Variants in RPS6KC1 observed in about 807,000 individuals in gnomAD.
The protein encoded by RPS6KC1 is ribosomal protein S6 kinase C1, also known as inactive ribosomal protein S6 kinase delta-1.
A neutral mutation model predicts 103.8 loss-of-function variants in RPS6KC1; 54 were observed. The observed-to-expected ratio is 0.52, with a 90% CI of 0.42 to 0.65. RPS6KC1 has a LOEUF of 0.65. Ranked by LOEUF, RPS6KC1 falls within the 30% of genes least tolerant of loss-of-function variation. RPS6KC1 has a pLI of 0.00. For missense variants in RPS6KC1, 1,151 were observed against 1,253.8 expected, an observed-to-expected ratio of 0.92 and a Z score of 1.24; for synonymous variants, 439 against 438.7, an observed-to-expected ratio of 1.00 and a Z score of -0.01.
chr1:213,255,963 T>C (rs2094634110), intron 12 of RPS6KC1, among the ~76,000 whole-genome samples: 1 of 152,246 alleles, frequency 6.6e-6, no homozygotes. Context: ...CTGCTTGATA[T>C]AAAGTCATTT....
intron 8 of RPS6KC1, among the ~76,000 whole-genome samples, chr1:213,186,300 G>T (rs927542967): frequency 6.6e-6 from 1 of 151,054 alleles, no homozygotes; most frequent in African/African-American, 2.4e-5. Flanking sequence ...TTTAGTTTGA[G>T]AAATAGTTTC....
chr1:213,573,513 A>G, the RPS6KC1 span, among the ~76,000 whole-genome samples: 2 of 152,216 alleles, frequency 1.3e-5, no homozygotes, highest in Non-Finnish European at 2.9e-5. Flanking sequence ...TGCACTCTTT[A>G]TCTGGGGCAT....
chr1:213,605,105 G>A, the RPS6KC1 span, among the ~76,000 whole-genome samples: 2 of 152,176 alleles, frequency 1.3e-5, no homozygotes, highest in East Asian at 3.9e-4. Flanking sequence ...TCTCTGTCAT[G>A]GTGCCCTTAG....
At chr1:213,415,877 G>T in the RPS6KC1 span, among the ~76,000 whole-genome samples, 1 of 152,210 alleles carries the variant, frequency 6.6e-6, no homozygotes, top group African/African-American at 2.4e-5. Context: ...TGTGTGACTT[G>T]GTTGCAGTTT....
At chr1:213,409,206 A>C in the RPS6KC1 span, among the ~76,000 whole-genome samples, 1 of 152,056 alleles carries the variant, frequency 6.6e-6, no homozygotes, top group East Asian at 1.9e-4. Flanking sequence ...AACCAAGTGC[A>C]AAGTATTAGG....
chr1:213,685,391 G>A, the RPS6KC1 span, among the ~76,000 whole-genome samples: 2 of 152,164 alleles, frequency 1.3e-5, no homozygotes, highest in Non-Finnish European at 2.9e-5. Flanking sequence ...AGCACTTTGG[G>A]AGGCTGAGGC....
intron 14 of RPS6KC1, among the ~76,000 whole-genome samples, chr1:213,270,079 G>C (rs148121618): frequency 6.6e-6 from 1 of 152,140 alleles, no homozygotes; most frequent in African/African-American, 2.4e-5. Context: ...GCATAAAAAG[G>C]CAAAGGAGCT....
chr1:213,753,993 C>T, the RPS6KC1 span, among the ~76,000 whole-genome samples: 1,140 of 152,226 alleles, frequency 7.5e-3, 16 homozygotes, highest in African/African-American at 0.026. Context: ...CGGAGAACAC[C>T]GAGAGGAGAT....
chr1:213,117,496 A>G (rs2083799080), intron 5 of RPS6KC1, 86 bp downstream of exon 5: 2 of 718,648 alleles, frequency 2.8e-6, no homozygotes, highest in Admixed American at 2.6e-5. Context: ...AGACAGATGT[A>G]TATAGGAATT....
the RPS6KC1 span, among the ~76,000 whole-genome samples, chr1:213,383,029 G>A: frequency 1.4e-4 from 22 of 152,350 alleles, no homozygotes; most frequent in African/African-American, 5.1e-4. Context: ...GCCTTTGCCA[G>A]TGCATAAGCG....
chr1:213,457,810 C>A, the RPS6KC1 span, among the ~76,000 whole-genome samples: 1 of 152,160 alleles, frequency 6.6e-6, no homozygotes, highest in African/African-American at 2.4e-5. Flanking sequence ...TTGACATACA[C>A]AAAAGACACA....
the RPS6KC1 span, among the ~76,000 whole-genome samples, chr1:213,654,318 G>A: frequency 6.6e-6 from 1 of 152,190 alleles, no homozygotes; most frequent in East Asian, 1.9e-4. Flanking sequence ...GAAATGCTGA[G>A]CTGCAGGCGT....
the RPS6KC1 span, among the ~76,000 whole-genome samples, chr1:213,653,895 T>C: frequency 6.6e-6 from 1 of 152,212 alleles, no homozygotes. Flanking sequence ...GAACATCTCT[T>C]TTCCAGGGAA....
chr1:213,403,453 C>A, the RPS6KC1 span, among the ~76,000 whole-genome samples: 1 of 152,178 alleles, frequency 6.6e-6, no homozygotes, highest in African/African-American at 2.4e-5. Flanking sequence ...TCCTCTGTTA[C>A]GAGCCTTGGC....
chr1:213,251,583 C>T (rs1408879185), intron 12 of RPS6KC1, among the ~76,000 whole-genome samples: 6 of 152,194 alleles, frequency 3.9e-5, no homozygotes, highest in Non-Finnish European at 7.3e-5. Flanking sequence ...CTTCCACTCT[C>T]ACCCTCTAAT....
chr1:213,214,997 C>T (rs1189267495), intron 8 of RPS6KC1, among the ~76,000 whole-genome samples: 4 of 152,174 alleles, frequency 2.6e-5, no homozygotes, highest in African/African-American at 9.7e-5. Flanking sequence ...GAACACAGCT[C>T]CTCACCAGCA....
At chr1:213,271,017 T>C (rs1311603783) in intron 14 of RPS6KC1, among the ~76,000 whole-genome samples, 1 of 152,230 alleles carries the variant, frequency 6.6e-6, no homozygotes, top group East Asian at 1.9e-4. Context: ...TAGAAAAGTT[T>C]GGCAATTTTA....
At chr1:213,828,132 G>C in the RPS6KC1 span, among the ~76,000 whole-genome samples, 34 of 152,282 alleles carry the variant, frequency 2.2e-4, 1 homozygote, top group South Asian at 7.1e-3. Context: ...AGAGCATTCA[G>C]CCTGGCACTT....
intron 3 of RPS6KC1, among the ~76,000 whole-genome samples, chr1:213,104,000 C>G (rs909123308): frequency 2.0e-5 from 3 of 152,082 alleles, no homozygotes; most frequent in Non-Finnish European, 2.9e-5. Flanking sequence ...AGATTTTTGA[C>G]CCCACTAATA....
Sources: allele counts gnomAD v4.1 joint callset (sites outside exome capture counted in the v4.1 genomes callset), GRCh38; gene constraint gnomAD v4.1.1; transcripts MANE v1.5; gene names NCBI Gene and HGNC (gene_info 2026-07-23, HGNC 2026-07-21).